CAMTA2: variants seen among roughly 807,000 people sequenced by gnomAD.
CAMTA2 encodes the protein calmodulin binding transcription activator 2, also known as calmodulin-binding transcription activator 2.
A neutral mutation model predicts 135.7 loss-of-function variants in CAMTA2; 56 were observed. The observed-to-expected ratio is 0.41, with a 90% CI of 0.33 to 0.52. The LOEUF (loss-of-function observed/expected upper bound fraction) is 0.52. Among genes scored for constraint, CAMTA2 ranks in the 20% least tolerant of loss-of-function variants. The pLI, the probability that CAMTA2 is intolerant of heterozygous loss-of-function variation, is 0.16. For synonymous variants in CAMTA2, 591 were observed against 604.6 expected, an observed-to-expected ratio of 0.98 and a Z score of 0.33; for missense variants, 1,358 against 1,553.4, an observed-to-expected ratio of 0.87 and a Z score of 2.11.
chr17:4,983,953 A>G (rs1245007616), intron 3 of CAMTA2, among the ~76,000 whole-genome samples: 1 of 147,800 alleles, frequency 6.8e-6, no homozygotes, highest in Non-Finnish European at 1.5e-5. Context: ...TTATTTATTT[A>G]TTTATTTATT....
At position 4,969,672 on chromosome 17, in the gene CAMTA2, T is replaced by C; in HGVS notation, c.3219A>G (p.Val1073=). 1.2e-6 allele frequency: 2 copies of C among 1,614,018 alleles called. No individual in the cohort carries two copies. Among genetic ancestry groups the C allele is most frequent in the Non-Finnish European group, 1.7e-6 (2 of 1,180,024 alleles). Residue 1073 remains valine, a synonymous_variant, in exon 19 of 23, where the codon GTA becomes GTG. Coordinates refer to ENST00000348066, the MANE Select transcript of CAMTA2 (RefSeq NM_015099.4). This position sits in a 1 kb window ranked among gnomAD's most constrained non-coding sequence, Gnocchi z 5.6. ...KGRRLKEQQE[V]AAAVIQRCYR... is the part of the protein sequence containing the mutation. ...AACAGCGCTGGATTACAGCTGCTGCTACCTCCTGCTGCTCCTTCAGCCGCC... is the reference window on the plus strand; with the variant it reads ...AACAGCGCTGGATTACAGCTGCTGCCACCTCCTGCTGCTCCTTCAGCCGCC...
At position 4,972,836 on chromosome 17, in the gene CAMTA2, T is replaced by G. The variant is rs1213194069; in HGVS notation, c.2436A>C (p.Leu812=). 1.2e-6 allele frequency: 2 copies of G among 1,613,848 alleles called. No individual in the cohort carries two copies. The highest frequency in any genetic ancestry group is 2.2e-5 in the South Asian group (2 of 91,082). The change falls in exon 15 of 23, where the codon CTA becomes CTC. Residue 812 remains leucine (L), a synonymous_variant. Coordinates refer to ENST00000348066, the MANE Select transcript of CAMTA2 (RefSeq NM_015099.4). ...GCTCCACCGAAGGCTCCTGTCTCTGTAGTTCCTCAAGGCAGCGGGCAAGGC... is the reference window on the plus strand; with the variant it reads ...GCTCCACCGAAGGCTCCTGTCTCTGGAGTTCCTCAAGGCAGCGGGCAAGGC... The part of the protein sequence containing the change: ...HVRLARCLEE[L]QRQEPSVEPP...
At chr17:4,973,921 T>G in intron 12 of CAMTA2, 152 bp from the exon 13 acceptor site, 2 of 641,150 alleles carry the variant, frequency 3.1e-6, no homozygotes. Context: ...AGTTCCTCTG[T>G]GGCCTGTGTC....
In CAMTA2 at chr17:4,972,491, A is replaced by G. The variant is rs1246848326; in HGVS notation, c.2549T>C (p.Phe850Ser). 6 of 1,612,064 alleles carry G rather than the reference A, an allele frequency of 3.7e-6. No homozygotes were observed. Among genetic ancestry groups the G allele is most frequent in the South Asian group, 1.1e-5 (1 of 90,812 alleles). ...SSPSELSDGT[F>S]SVTSAYSSAP... ...ACTAGAATAGGCTGACGTGACGGAA[A>G]AGGTGCCATCCGACAGCTCCGAGGG... The change falls in exon 16 of 23, where the codon TTT becomes TCT. Residue 850 changes from phenylalanine (F) to serine (S), a missense_variant. By Grantham distance (155) the Phe-to-Ser change is radical. Around this residue, in one of 4 missense-constraint regions of CAMTA2, gnomAD observed 1,077 missense variants for 1,127.5 expected, o/e 0.96. Coordinates refer to ENST00000348066, the MANE Select transcript of CAMTA2 (RefSeq NM_015099.4).
intron 11 of CAMTA2, 130 bp downstream of exon 11, chr17:4,976,928 T>G: frequency 1.2e-6 from 1 of 834,250 alleles, no homozygotes; most frequent in South Asian, 2.0e-5. Context: ...ACTAATGAAA[T>G]AGGAATTGAA....
chr17:4,972,802 C>A lies in CAMTA2; in HGVS notation c.2470G>T (p.Ala824Ser). The A allele has an allele frequency of 1.2e-6, 2 of 1,613,860 alleles. No individual in the cohort carries two copies. The highest frequency in any genetic ancestry group is 1.7e-6 in the Non-Finnish European group (2 of 1,180,014). The stretch of plus-strand genomic sequence containing the variant: ...GGGCTGGAGGAGGGTGGCGATAGGG[C>A]AAATGGGGGCTCCACCGAAGGCTCC... Reference protein sequence around the residue: ...RQEPSVEPPFALSPPSSSPDT... With the variant: ...RQEPSVEPPFSLSPPSSSPDT... Residue 824 changes from alanine to serine, a missense_variant, in exon 15 of 23, where the codon GCC becomes TCC. By Grantham distance (99) the Ala-to-Ser change is moderately conservative. Around this residue, in one of 4 missense-constraint regions of CAMTA2, gnomAD observed 1,077 missense variants for 1,127.5 expected, o/e 0.96. Coordinates refer to ENST00000348066, the MANE Select transcript of CAMTA2 (RefSeq NM_015099.4).
At position 4,969,376 on chromosome 17, in the gene CAMTA2, G is replaced by A. The variant is rs1238035310; in HGVS notation, c.3283-39C>T. 4 of 1,611,388 alleles carry A rather than the reference G, an allele frequency of 2.5e-6. No homozygotes were observed. Among genetic ancestry groups the A allele is most frequent in the Non-Finnish European group, 3.4e-6 (4 of 1,177,556 alleles). On this transcript the variant is annotated intron_variant, in intron 20 of 22. Coordinates refer to ENST00000348066, the MANE Select transcript of CAMTA2 (RefSeq NM_015099.4). This position sits in a 1 kb window ranked among gnomAD's most constrained non-coding sequence, Gnocchi z 5.6. ...GAGGAGGGACAGGGGCTGAAATAGA[G>A]GGACGGAGACCCAAAGCCCTGAGGC...
At position 4,978,575 on chromosome 17, in the gene CAMTA2, G is replaced by A. The variant is rs1972765655; in HGVS notation, c.1694C>T (p.Ser565Phe). ...GPWTEAAEHY[S>F]CVFDHIAVPA... ...CACTGCGATGTGATCAAAGACACAG[G>A]AGTAATGCTCGGCGGCTTCGGTCCA... Residue 565 changes from serine (S) to phenylalanine (F), a missense_variant, in exon 10 of 23, where the codon TCC becomes TTC. Ser to Phe is a radical substitution (Grantham distance 155). Coordinates refer to ENST00000348066, the MANE Select transcript of CAMTA2 (RefSeq NM_015099.4). The A allele has an allele frequency of 6.2e-7, 1 of 1,614,048 alleles. No homozygotes were observed. The highest frequency in any genetic ancestry group is 8.5e-7 in the Non-Finnish European group (1 of 1,180,000).
At chr17:4,979,525 AAAAAG>A in intron 9 of CAMTA2, 154 bp downstream of exon 9, 4 of 462,634 alleles carry the variant, frequency 8.6e-6, no homozygotes, top group South Asian at 4.2e-5. Flanking sequence ...AAAAAAAAAA[AAAAAG>A]AGAGAGATTA....
intron 6 of CAMTA2, 105 bp from the exon 7 acceptor site, chr17:4,981,936 A>G (rs1972985624): frequency 1.5e-6 from 2 of 1,330,950 alleles, no homozygotes; most frequent in Non-Finnish European, 2.1e-6. Flanking sequence ...CTCGCCCCCA[A>G]TTTCTGACTC....
intron 1 of CAMTA2, chr17:4,986,941 A>G (rs527618666): frequency 2.6e-6 from 4 of 1,520,288 alleles, no homozygotes; most frequent in Admixed American, 4.1e-5. Flanking sequence ...CCTGGCCTCC[A>G]GGCCTAGCCT....
Position 4,969,556 on chromosome 17 carries a change from A to C in CAMTA2, c.3262-36T>G. ...GAGAAGGGGAGTTAGGGCTCTGGCA[A>C]CATTCTGGAATGGTTAGGCGTGGGT... On this transcript the variant is annotated intron_variant, in intron 19 of 22. Transcript: ENST00000348066. The surrounding 1 kb of genome is among the most constrained non-coding windows in gnomAD (Gnocchi z 5.6). 6.2e-7 allele frequency: 1 copy of C among 1,614,124 alleles called. No homozygotes were observed. The highest frequency in any genetic ancestry group is 1.1e-5 in the South Asian group (1 of 91,086).
intron 13 of CAMTA2, 134 bp from the exon 14 acceptor site, chr17:4,973,387 A>G: frequency 1.2e-6 from 1 of 869,152 alleles, no homozygotes; most frequent in Non-Finnish European, 1.9e-6. Context: ...ACACTAGCTT[A>G]AGGAGGTCAA....
chr17:4,984,337 C>T (rs193140921), intron 3 of CAMTA2, among the ~76,000 whole-genome samples: 4 of 152,334 alleles, frequency 2.6e-5, no homozygotes, highest in Admixed American at 6.5e-5. Context: ...CCATATTGCT[C>T]CTACAATTCC....
In CAMTA2 at chr17:4,981,253, G is replaced by A; in HGVS notation, c.672C>T (p.Thr224=). 1 of 1,614,040 alleles carries A rather than the reference G, an allele frequency of 6.2e-7. No individual in the cohort carries two copies. The highest frequency in any genetic ancestry group is 1.1e-5 in the South Asian group (1 of 91,078). ...GCCCCCCACTGCAGAGACAGGCGTG[G>A]GTTCGGGGAGCAGGCTTGGTTGGGT... ...DTHPTKPAPR[T]HACLCSGGLG... The change falls in exon 8 of 23, where the codon ACC becomes ACT. Residue 224 remains threonine (T), a synonymous_variant. Transcript: ENST00000348066.
intron 1 of CAMTA2, 167 bp from the exon 2 acceptor site, chr17:4,986,453 A>G (rs72838314): frequency 0.1 from 58,588 of 582,536 alleles, 3,473 homozygotes; most frequent in Non-Finnish European, 0.12. Context: ...AACAACACAC[A>G]GTGCCCGGAG....
At chr17:4,983,093 A>G in intron 3 of CAMTA2, 50 bp from the exon 4 acceptor site, 2 of 1,493,088 alleles carry the variant, frequency 1.3e-6, no homozygotes, top group Non-Finnish European at 1.9e-6. Context: ...AGAGAGTCTC[A>G]GCCTGGCCTC....
chr17:4,975,536 C>T (rs1197566706), intron 11 of CAMTA2, among the ~76,000 whole-genome samples: 1 of 152,146 alleles, frequency 6.6e-6, no homozygotes, highest in African/African-American at 2.4e-5. Flanking sequence ...GATGAACAGT[C>T]ACAGGGCAGG....
chr17:4,977,740 G>T (rs1050849970), intron 10 of CAMTA2, among the ~76,000 whole-genome samples: 1 of 152,206 alleles, frequency 6.6e-6, no homozygotes, highest in East Asian at 1.9e-4. Context: ...CACACTCGTA[G>T]ACAGCAAAGC....
Sources: gnomAD v4.1 joint callset for allele counts (sites outside exome capture counted in the v4.1 genomes callset) on GRCh38, gnomAD v4.1.1 for gene constraint, gnomAD v4.1.1 regional missense constraint, Gnocchi (gnomAD v3.1) non-coding constraint, MANE v1.5 for transcripts, NCBI Gene and HGNC (gene_info 2026-07-23, HGNC 2026-07-21) for gene names.